Variants in ACTR3C observed in about 807,000 individuals in gnomAD.
ACTR3C encodes the protein actin related protein 3C, also known as actin-related protein 3C.
In ACTR3C, 18 loss-of-function variants were observed where a neutral mutation model predicts 26.3. The ratio of observed to expected loss-of-function variants is 0.68; its 90% confidence interval spans 0.47 to 1.01. The LOEUF (loss-of-function observed/expected upper bound fraction) is 1.01, where lower values mean the gene tolerates loss of function less well. ACTR3C is among the 50% of genes least tolerant of loss of function. The pLI, the probability that ACTR3C is intolerant of heterozygous loss-of-function variation, is 0.00. For missense variants in ACTR3C, 184 were observed against 250.7 expected (o/e 0.73, Z 1.80); for synonymous variants, 55 against 94.5 (o/e 0.58, Z 2.42).
the ACTR3C span, among the ~76,000 whole-genome samples, chr7:150,041,755 G>T: frequency 6.9e-6 from 1 of 145,306 alleles, no homozygotes; most frequent in African/African-American, 2.6e-5. Flanking sequence ...GAGCCAGGGG[G>T]GGGAAGAGGG....
chr7:149,992,555 G>C, the ACTR3C span, among the ~76,000 whole-genome samples: 1 of 152,174 alleles, frequency 6.6e-6, no homozygotes, highest in East Asian at 1.9e-4. Flanking sequence ...CCCGTCCGGG[G>C]CAGCTGCATT....
At chr7:149,884,185 T>C in the ACTR3C span, among the ~76,000 whole-genome samples, 1 of 152,210 alleles carries the variant, frequency 6.6e-6, no homozygotes, top group Non-Finnish European at 1.5e-5. Flanking sequence ...GTGCTGGAAG[T>C]GACCTGCTGG....
chr7:149,982,815 GATC>G, the ACTR3C span, among the ~76,000 whole-genome samples: 1 of 152,174 alleles, frequency 6.6e-6, no homozygotes, highest in Non-Finnish European at 1.5e-5. Flanking sequence ...CTACACATAA[GATC>G]ATGTCATCCG....
At chr7:150,087,143 G>GT in the ACTR3C span, among the ~76,000 whole-genome samples, 58,059 of 128,536 alleles carry the variant, frequency 0.45, 12,333 homozygotes, top group East Asian at 0.7. Context: ...GTTGTATGTT[G>GT]TTTTTTTTTA....
At chr7:149,989,009 G>A in the ACTR3C span, among the ~76,000 whole-genome samples, 2 of 152,216 alleles carry the variant, frequency 1.3e-5, no homozygotes, top group Non-Finnish European at 2.9e-5. Context: ...CACTGAGTCT[G>A]AGATGTCACC....
chr7:150,041,340 CCTG>C, the ACTR3C span: 3 of 150,956 alleles, frequency 2.0e-5, no homozygotes, highest in Non-Finnish European at 2.9e-5. Context: ...TTGCAAATAA[CCTG>C]CTTTCTTTCT....
chr7:150,097,113 T>C, the ACTR3C span, among the ~76,000 whole-genome samples: 1 of 151,984 alleles, frequency 6.6e-6, no homozygotes, highest in Non-Finnish European at 1.5e-5. Flanking sequence ...AACATGATGC[T>C]GTCTTAAGCC....
At chr7:150,080,514 T>A in the ACTR3C span, among the ~76,000 whole-genome samples, 1 of 132,350 alleles carries the variant, frequency 7.6e-6, no homozygotes, top group African/African-American at 3.2e-5. Context: ...GCTGTATGAG[T>A]GTTTGTGTGT....
chr7:150,178,002 C>A, the ACTR3C span, among the ~76,000 whole-genome samples: 1 of 150,596 alleles, frequency 6.6e-6, no homozygotes, highest in Non-Finnish European at 1.5e-5. Context: ...TGGATTGGAT[C>A]TAAGATAACA....
the ACTR3C span, among the ~76,000 whole-genome samples, chr7:150,032,889 C>G: frequency 5.9e-5 from 9 of 152,030 alleles, no homozygotes; most frequent in Admixed American, 5.9e-4. Context: ...TGAAATGAAC[C>G]ATGAGCAAAT....
At chr7:149,891,516 G>C in the ACTR3C span, 2 of 289,732 alleles carry the variant, frequency 6.9e-6, no homozygotes, top group South Asian at 3.6e-5. Context: ...CACAAACAAA[G>C]AATCACCTTA....
the ACTR3C span, among the ~76,000 whole-genome samples, chr7:150,102,560 C>G: frequency 6.6e-6 from 1 of 152,058 alleles, no homozygotes; most frequent in African/African-American, 2.4e-5. Flanking sequence ...TCTTATTTTC[C>G]TAACTGTTAA....
At chr7:150,251,065 A>G (rs1377249174) in intron 6 of ACTR3C, among the ~76,000 whole-genome samples, 1 of 152,084 alleles carries the variant, frequency 6.6e-6, no homozygotes, top group African/African-American at 2.4e-5. Flanking sequence ...GTGTACCCCA[A>G]TTCTCCCTAT....
intron 3 of ACTR3C, among the ~76,000 whole-genome samples, chr7:150,292,581 A>C (rs1023011536): frequency 1.5e-4 from 23 of 149,916 alleles, no homozygotes; most frequent in Non-Finnish European, 3.2e-4. Context: ...GCTCACTGCA[A>C]CCTCCATCTC....
chr7:149,999,501 T>C, the ACTR3C span, among the ~76,000 whole-genome samples: 1 of 150,694 alleles, frequency 6.6e-6, no homozygotes, highest in Non-Finnish European at 1.5e-5. Flanking sequence ...GCCTCTTCTT[T>C]CATGGGATGG....
chr7:150,223,809 A>C, the ACTR3C span, among the ~76,000 whole-genome samples: 4 of 152,244 alleles, frequency 2.6e-5, no homozygotes, highest in Admixed American at 2.0e-4. Context: ...GGCATGGCTT[A>C]GCTCTGTCCT....
At chr7:150,185,292 T>TGC in the ACTR3C span, among the ~76,000 whole-genome samples, 2 of 151,320 alleles carry the variant, frequency 1.3e-5, no homozygotes, top group South Asian at 2.1e-4. Context: ...TGTGTGTGTG[T>TGC]GTGTGTGTGT....
intron 1 of ACTR3C, among the ~76,000 whole-genome samples, chr7:150,314,786 A>C (rs1298316680): frequency 1.3e-5 from 2 of 148,450 alleles, no homozygotes; most frequent in Non-Finnish European, 1.5e-5. Flanking sequence ...AAAAAAAAAA[A>C]ACAACAACAA....
At chr7:149,905,613 A>C in the ACTR3C span, among the ~76,000 whole-genome samples, 2 of 151,168 alleles carry the variant, frequency 1.3e-5, no homozygotes, top group East Asian at 3.9e-4. Context: ...TTCATATTTA[A>C]CCTCTACAAA....
Sources: allele counts gnomAD v4.1 joint callset (sites outside exome capture counted in the v4.1 genomes callset), GRCh38; gene constraint gnomAD v4.1.1; transcripts MANE v1.5; gene names NCBI Gene and HGNC (gene_info 2026-07-23, HGNC 2026-07-21).